PCDH7: variants seen among roughly 807,000 people sequenced by gnomAD.
PCDH7 encodes protocadherin 7.
In PCDH7, 17 loss-of-function variants were observed where a neutral mutation model predicts 58.9. That is an observed-to-expected ratio of 0.29 (90% CI 0.20 to 0.43). PCDH7 has a LOEUF of 0.43. Ranked by LOEUF, PCDH7 falls within the 20% of genes least tolerant of loss-of-function variation. The pLI is 1.00. For missense variants in PCDH7, 1,274 were observed against 1,441.0 expected (o/e 0.88, Z 1.88); for synonymous variants, 664 against 616.4 (o/e 1.08, Z -1.14).
chr4:30,917,354 T>C (rs1359301105), intron 1 of PCDH7, among the ~76,000 whole-genome samples: 1 of 152,120 alleles, frequency 6.6e-6, no homozygotes, highest in African/African-American at 2.4e-5. Flanking sequence ...CCACAAAAAA[T>C]TTATTATTCA....
intron 3 of PCDH7, among the ~76,000 whole-genome samples, chr4:31,007,244 T>C (rs186279594): frequency 1.6e-3 from 239 of 151,996 alleles, no homozygotes; most frequent in African/African-American, 5.5e-3. Context: ...AAATACTCAC[T>C]TGCATTTGTT....
chr4:30,752,707 G>T (rs1718708571), intron 1 of PCDH7, among the ~76,000 whole-genome samples: 1 of 131,824 alleles, frequency 7.6e-6, no homozygotes, highest in Non-Finnish European at 1.5e-5. Context: ...GATTAATGGT[G>T]ACTAAAGAAG....
intron 3 of PCDH7, among the ~76,000 whole-genome samples, chr4:31,128,258 C>T (rs1351569462): frequency 6.6e-6 from 1 of 151,978 alleles, no homozygotes; most frequent in Non-Finnish European, 1.5e-5. Flanking sequence ...ATTCAGTCAC[C>T]ATCTCATGGG....
intron 3 of PCDH7, among the ~76,000 whole-genome samples, chr4:31,110,075 C>A (rs1171917759): frequency 6.6e-6 from 1 of 152,158 alleles, no homozygotes. Flanking sequence ...GCTACCTAGG[C>A]TTGTTCTGAG....
chr4:31,107,965 T>A (rs1029198610), intron 3 of PCDH7, among the ~76,000 whole-genome samples: 5 of 152,130 alleles, frequency 3.3e-5, no homozygotes, highest in African/African-American at 1.2e-4. Context: ...AATATCAACC[T>A]TTTTTATAGT....
intron 1 of PCDH7, among the ~76,000 whole-genome samples, chr4:30,758,506 T>C (rs1485533748): frequency 1.3e-5 from 2 of 152,204 alleles, no homozygotes; most frequent in South Asian, 2.1e-4. Context: ...ACAATAGCTT[T>C]GAAAAGAGCA....
intron 3 of PCDH7, among the ~76,000 whole-genome samples, chr4:31,072,791 T>C (rs1758661914): frequency 6.6e-6 from 1 of 152,148 alleles, no homozygotes. Context: ...ATGGAGTTCC[T>C]GCAATGGGTT....
At chr4:30,820,269 A>AG (rs1447080364) in intron 1 of PCDH7, among the ~76,000 whole-genome samples, 3 of 152,180 alleles carry the variant, frequency 2.0e-5, no homozygotes, top group Non-Finnish European at 4.4e-5. Context: ...AAGCCCCAGG[A>AG]GGGGGCTAGT....
intron 1 of PCDH7, among the ~76,000 whole-genome samples, chr4:30,784,784 A>G: frequency 6.6e-6 from 1 of 152,032 alleles, no homozygotes; most frequent in East Asian, 1.9e-4. Flanking sequence ...TAAGAGAGAG[A>G]TGGGGAAAAA....
chr4:30,966,502 G>A (rs931720898), intron 3 of PCDH7, among the ~76,000 whole-genome samples: 2 of 152,086 alleles, frequency 1.3e-5, no homozygotes, highest in Non-Finnish European at 2.9e-5. Flanking sequence ...TTAAATTGCA[G>A]GAAAAATGTG....
At chr4:30,736,870 G>A (rs74287293), downstream of PCDH7, among the ~76,000 whole-genome samples, 15,959 of 152,130 alleles carry the variant, frequency 0.1, 1,255 homozygotes, top group East Asian at 0.29. Context: ...TTTGCATGCC[G>A]CATTCTCAGA....
chr4:31,101,339 AT>A (rs1462235828), intron 3 of PCDH7, among the ~76,000 whole-genome samples: 1 of 152,186 alleles, frequency 6.6e-6, no homozygotes, highest in African/African-American at 2.4e-5. Context: ...CTAAAGTGGT[AT>A]TTTTATAAAA....
chr4:30,828,561 AC>A (rs1729378880), intron 1 of PCDH7, among the ~76,000 whole-genome samples: 2 of 151,940 alleles, frequency 1.3e-5, no homozygotes, highest in Non-Finnish European at 2.9e-5. Flanking sequence ...TTAGAGTGAT[AC>A]CAAAAAAAAA....
At chr4:31,142,010 G>A (rs1720317231) in intron 3 of PCDH7, among the ~76,000 whole-genome samples, 1 of 152,150 alleles carries the variant, frequency 6.6e-6, no homozygotes, top group South Asian at 2.1e-4. Context: ...TGCATTCTAT[G>A]AATAATGTAT....
intron 2 of PCDH7, among the ~76,000 whole-genome samples, chr4:30,942,527 C>T (rs1245780702): frequency 6.6e-6 from 1 of 151,948 alleles, no homozygotes; most frequent in Non-Finnish European, 1.5e-5. Context: ...TGTTCTATCC[C>T]TCAAGGATCT....
chr4:30,880,458 T>G (rs575702153), intron 1 of PCDH7, among the ~76,000 whole-genome samples: 50 of 152,268 alleles, frequency 3.3e-4, no homozygotes, highest in African/African-American at 1.1e-3. Flanking sequence ...ATAGTTGTGA[T>G]TCAGTGAAAA....
chr4:31,056,879 CA>C (rs1204877474), intron 3 of PCDH7, among the ~76,000 whole-genome samples: 1 of 151,994 alleles, frequency 6.6e-6, no homozygotes, highest in Non-Finnish European at 1.5e-5. Context: ...CACACCCAGC[CA>C]ACATTTTCTT....
At chr4:30,743,121 T>C (rs1195285928) in intron 1 of PCDH7, among the ~76,000 whole-genome samples, 1 of 151,788 alleles carries the variant, frequency 6.6e-6, no homozygotes, top group Non-Finnish European at 1.5e-5. Context: ...GGGAAGATGG[T>C]GGGAAATATA....
intron 3 of PCDH7, among the ~76,000 whole-genome samples, chr4:31,103,338 C>CT (rs938034530): frequency 9.2e-5 from 14 of 151,592 alleles, no homozygotes; most frequent in Non-Finnish European, 2.1e-4. Context: ...CTTTTCTTTT[C>CT]TTTTTTTGTT....
Sources: allele counts gnomAD v4.1 joint callset (sites outside exome capture counted in the v4.1 genomes callset), GRCh38; gene constraint gnomAD v4.1.1; transcripts MANE v1.5; gene names NCBI Gene and HGNC (gene_info 2026-07-23, HGNC 2026-07-21).